MBOAT4: variants seen among roughly 807,000 people sequenced by gnomAD.
MBOAT4 encodes membrane bound ghrelin O-acyltransferase MBOAT4, also known as membrane-bound ghrelin O-acyltransferase MBOAT4.
In MBOAT4, 11 loss-of-function variants were observed where a neutral mutation model predicts 13.2. The observed-to-expected ratio is 0.84, with a 90% confidence interval of 0.53 to 1.38. The LOEUF (loss-of-function observed/expected upper bound fraction) is 1.38, where lower values mean the gene tolerates loss of function less well. Ranked by LOEUF, MBOAT4 falls within the 40% of genes most tolerant of loss-of-function variation. The probability of loss-of-function intolerance (pLI) is 0.00; values close to 1 mark genes in which losing one functional copy is unlikely to be tolerated. For synonymous variants in MBOAT4, 202 were observed against 210.3 expected, an observed-to-expected ratio of 0.96 and a Z score of 0.34; for missense variants, 481 against 527.2, an observed-to-expected ratio of 0.91 and a Z score of 0.86.
In MBOAT4 at chr8:30,138,597, C is replaced by T. The variant is rs1488041586; in HGVS notation, c.279G>A (p.Trp93Ter). The change falls in exon 2 of 3, where the codon TGG (tryptophan) becomes TGA (stop). Residue 93 changes from tryptophan to a stop codon, truncating the protein, a stop_gained. Coordinates refer to ENST00000320542, the MANE Select transcript of MBOAT4 (RefSeq NM_001100916.2). LOFTEE classifies it high-confidence loss of function. ...HRWTFCFQMS[W>*]QTLCHLGLHY... is the part of the protein sequence containing the mutation. ...GCAGACCTAGGTGACACAAGGTCTGCCAGCTCATCTGAAAGCAGAAGGTCC... is the reference window on the plus strand; with the variant it reads ...GCAGACCTAGGTGACACAAGGTCTGTCAGCTCATCTGAAAGCAGAAGGTCC... The T allele has an allele frequency of 1.2e-5, 19 of 1,551,662 alleles. No individual in the cohort carries two copies. Among genetic ancestry groups the T allele is most frequent in the Non-Finnish European group, 1.7e-5 (19 of 1,146,994 alleles).
rs1331891765 is a variant in MBOAT4, at chr8:30,144,644, A to G, written c.-43T>C. 1 of 1,283,414 alleles carries G rather than the reference A, an allele frequency of 7.8e-7. No individual in the cohort carries two copies. The highest frequency in any genetic ancestry group is 1.5e-5 in the African/African-American group (1 of 66,812). The allele number at this position is 1,283,414 out of a possible 1,614,324, so 79.5% of individuals were successfully genotyped here. A position where few individuals can be genotyped will look rare whatever the true frequency, so the allele number is the denominator to read the frequency against. ...GAGCCTGTCTTTTCCAGTGTCCTTA[A>G]CTGATGCCTTCCTCCAAGAGTAATC... On this transcript the variant is annotated 5_prime_UTR_variant, in exon 1 of 3. Transcript: ENST00000320542.
chr8:30,135,018 T>G (rs958103039), intron 2 of MBOAT4, among the ~76,000 whole-genome samples: 1 of 151,260 alleles, frequency 6.6e-6, no homozygotes, highest in Admixed American at 6.6e-5. Flanking sequence ...AAGCTGGAAC[T>G]TCAGACATGC....
intron 1 of MBOAT4, among the ~76,000 whole-genome samples, chr8:30,141,525 C>T (rs1321461322): frequency 6.6e-6 from 1 of 152,056 alleles, no homozygotes; most frequent in African/African-American, 2.4e-5. Context: ...GTAATCCCAG[C>T]TACTCAGGAG....
At chr8:30,137,755 CT>C in intron 2 of MBOAT4, 1 of 475,516 alleles carries the variant, frequency 2.1e-6, no homozygotes, top group Admixed American at 3.8e-5. Flanking sequence ...AATCACAGAC[CT>C]TTCCCAAAAC....
chr8:30,135,070 T>TC (rs1362073758), intron 2 of MBOAT4, among the ~76,000 whole-genome samples: 2 of 150,708 alleles, frequency 1.3e-5, no homozygotes, highest in African/African-American at 4.9e-5. Context: ...TTTTTTTTTT[T>TC]TTGTAGAGAT....
Position 30,144,621 on chromosome 8 carries a change from G to T in MBOAT4, c.-20C>A. The T allele has an allele frequency of 1.4e-6, 2 of 1,475,932 alleles. No individual in the cohort carries two copies. The highest frequency in any genetic ancestry group is 1.8e-6 in the Non-Finnish European group (2 of 1,082,632). 91.4% of individuals were successfully genotyped at this position (1,475,932 alleles called of 1,614,324 possible). A position where few individuals can be genotyped will look rare whatever the true frequency, so the allele number is the denominator to read the frequency against. On this transcript the variant is annotated 5_prime_UTR_variant, in exon 1 of 3. Coordinates refer to ENST00000320542, the MANE Select transcript of MBOAT4 (RefSeq NM_001100916.2). ...CTCCATTAGGAACCAGAACAAAAGA[G>T]CCTGTCTTTTCCAGTGTCCTTAACT...
intron 1 of MBOAT4, among the ~76,000 whole-genome samples, chr8:30,143,401 A>AT: frequency 3.8e-4 from 2 of 5,238 alleles, no homozygotes; most frequent in African/African-American, 4.7e-4. Context: ...ATATATATAT[A>AT]AAAATAAATA....
intron 2 of MBOAT4, chr8:30,137,388 C>T (rs1563222076): frequency 1.3e-6 from 2 of 1,551,646 alleles, no homozygotes; most frequent in African/African-American, 2.7e-5. Flanking sequence ...TACCTGCAAG[C>T]AGAGTGTCCA....
At chr8:30,143,399 A>C in intron 1 of MBOAT4, among the ~76,000 whole-genome samples, 1 of 5,362 alleles carries the variant, frequency 1.9e-4, no homozygotes, top group African/African-American at 2.3e-4. Context: ...ATATATATAT[A>C]TAAAAATAAA....
In MBOAT4 at chr8:30,132,133, G is replaced by T; in HGVS notation, c.1118C>A (p.Pro373Gln). 6.4e-7 allele frequency: 1 copy of T among 1,551,706 alleles called. No individual in the cohort carries two copies. Among genetic ancestry groups the T allele is most frequent in the Non-Finnish European group, 8.7e-7 (1 of 1,146,988 alleles). ...GAGGGTTCTATAGAACAGCCTCATC[G>T]GCCAGGATCTGATAAACTCATTGGC... ...SFANEFIRSW[P>Q]MRLFYRTLTW... Residue 373 changes from proline to glutamine, a missense_variant, in exon 3 of 3, where the codon CCG becomes CAG. Pro to Gln is a moderately conservative substitution (Grantham distance 76). Coordinates refer to ENST00000320542, the MANE Select transcript of MBOAT4 (RefSeq NM_001100916.2).
Position 30,132,273 on chromosome 8 carries a change from C to T in MBOAT4, c.978G>A (p.Pro326=), listed in dbSNP as rs149019082. The change falls in exon 3 of 3, where the codon CCG becomes CCA. Residue 326 remains proline (P), a synonymous_variant. Transcript: ENST00000320542. ...CAGAGAAGGCAAATGTCTGCAACAACGGCCAAGCCCTGCTGTGCTGGAATA... is the reference window on the plus strand; with the variant it reads ...CAGAGAAGGCAAATGTCTGCAACAATGGCCAAGCCCTGCTGTGCTGGAATA... ...RLVFQHSRAW[P]LLQTFAFSAW... is the part of the protein sequence containing the mutation. The T allele has an allele frequency of 5.9e-5, 91 of 1,551,662 alleles. No homozygotes were observed. Among genetic ancestry groups the T allele is most frequent in the East Asian group, 7.3e-5 (3 of 40,938 alleles).
In MBOAT4 at chr8:30,138,677, C is replaced by A; in HGVS notation, c.199G>T (p.Ala67Ser). Residue 67 changes from alanine (A) to serine (S), a missense_variant, in exon 2 of 3, where the codon GCT (alanine) becomes TCT (serine). By Grantham distance (99) the Ala-to-Ser change is moderately conservative. Coordinates refer to ENST00000320542, the MANE Select transcript of MBOAT4 (RefSeq NM_001100916.2). ...CAGAGGAGAGCCACAGCGCAGACAGCAGGGGTGAAGACGAGCACGGCGTAG... is the reference window on the plus strand; with the variant it reads ...CAGAGGAGAGCCACAGCGCAGACAGAAGGGGTGAAGACGAGCACGGCGTAG... The part of the protein sequence containing the change: ...GSYAVLVFTP[A>S]VCAVALLCSL... The A allele has an allele frequency of 1.3e-6, 2 of 1,551,182 alleles. No homozygotes were observed. The highest frequency in any genetic ancestry group is 8.7e-7 in the Non-Finnish European group (1 of 1,146,888).
At chr8:30,138,291 G>A (rs1421425937) in intron 2 of MBOAT4, 1 of 397,586 alleles carries the variant, frequency 2.5e-6, no homozygotes, top group Admixed American at 3.7e-5. Flanking sequence ...AGTGGAGAAG[G>A]TGAACCCACT....
chr8:30,133,047 A>G (rs1423479282), intron 2 of MBOAT4, 141 bp from the exon 3 acceptor site: 1 of 634,656 alleles, frequency 1.6e-6, no homozygotes, highest in East Asian at 3.1e-5. Flanking sequence ...AGGACCCCAC[A>G]CAAAATAAAT....
Position 30,131,749 on chromosome 8 carries a change from G to T in MBOAT4, c.*194C>A. 8.8e-6 allele frequency: 5 copies of T among 571,238 alleles called. No individual in the cohort carries two copies. Among genetic ancestry groups the T allele is most frequent in the Non-Finnish European group, 1.5e-5 (5 of 341,996 alleles). The allele number at this position is 571,238 out of a possible 1,614,324, so 35.4% of individuals were successfully genotyped here. A position where few individuals can be genotyped will look rare whatever the true frequency, so the allele number is the denominator to read the frequency against. On this transcript the variant is annotated 3_prime_UTR_variant, in exon 3 of 3. Transcript: ENST00000320542. ...AAGAAACCACATCTTTTTCCTTTTT[G>T]TATCCTCAGTACCAGCAGAATAGCT...
intron 1 of MBOAT4, 137 bp from the exon 2 acceptor site, chr8:30,138,893 G>C (rs1803209059): frequency 3.2e-6 from 2 of 618,446 alleles, no homozygotes; most frequent in Non-Finnish European, 5.7e-6. Flanking sequence ...TGCACTCTGG[G>C]GCCTTCCTTT....
rs1240577883 is a variant in MBOAT4, at chr8:30,132,064, G to T, written c.1187C>A (p.Ala396Asp). 4 of 1,551,784 alleles carry T rather than the reference G, an allele frequency of 2.6e-6. No homozygotes were observed. In the African/African-American group the frequency reaches 5.5e-5, roughly 21 times the overall value. ...AGAGGAGAGACTCCTGACCTCCACA[G>T]CCAGCATGATGTAGGCAATGATCAA... ...TQLIIAYIML[A>D]VEVRSLSSLW... The change falls in exon 3 of 3, where the codon GCT (alanine) becomes GAT (aspartate). Residue 396 changes from alanine (A) to aspartate (D), a missense_variant. By Grantham distance (126) the Ala-to-Asp change is moderately radical. Coordinates refer to ENST00000320542, the MANE Select transcript of MBOAT4 (RefSeq NM_001100916.2).
chr8:30,142,089 G>T (rs1212261990), intron 1 of MBOAT4, among the ~76,000 whole-genome samples: 4 of 152,180 alleles, frequency 2.6e-5, no homozygotes, highest in Admixed American at 6.5e-5. Flanking sequence ...ACATTAAATT[G>T]TCTGTACATG....
chr8:30,134,595 G>A (rs1421560560), intron 2 of MBOAT4, among the ~76,000 whole-genome samples: 1 of 152,098 alleles, frequency 6.6e-6, no homozygotes, highest in African/African-American at 2.4e-5. Context: ...AGGCTGGAGT[G>A]CAGTGGCGCG....
Sources: allele counts gnomAD v4.1 joint callset (sites outside exome capture counted in the v4.1 genomes callset), GRCh38; gene constraint gnomAD v4.1.1; transcripts MANE v1.5; gene names NCBI Gene and HGNC (gene_info 2026-07-23, HGNC 2026-07-21).